NUB1: variants seen among roughly 807,000 people sequenced by gnomAD.
NUB1 encodes negative regulator of ubiquitin like proteins 1, also known as NEDD8 ultimate buster 1.
In NUB1, 41 loss-of-function variants were observed where a neutral mutation model predicts 77.1. The observed-to-expected ratio is 0.53, with a 90% CI of 0.41 to 0.69. NUB1 has a LOEUF of 0.69. Ranked by LOEUF, NUB1 falls within the 30% of genes least tolerant of loss-of-function variation. The pLI is 0.00. For synonymous variants in NUB1, 257 were observed against 281.0 expected (o/e 0.91, Z 0.85); for missense variants, 643 against 743.8 (o/e 0.86, Z 1.58).
chr7:151,376,630 C>G lies in NUB1; in HGVS notation c.1492-4C>G. 6.2e-7 allele frequency: 1 copy of G among 1,607,484 alleles called. No individual in the cohort carries two copies. Among genetic ancestry groups the G allele is most frequent in the African/African-American group, 1.3e-5 (1 of 74,956 alleles). On this transcript the variant is annotated splice_region_variant and splice_polypyrimidine_tract_variant and intron_variant, in intron 13 of 14. Coordinates refer to ENST00000568733, the MANE Select transcript of NUB1 (RefSeq NM_001243351.2). ...GATGCTGTGACCCCTGCGCTCTCCC[C>G]TAGTTGGTGTACATGGGTTTTGATG...
chr7:151,355,360 C>T (rs1467510711), intron 5 of NUB1, among the ~76,000 whole-genome samples: 1 of 152,098 alleles, frequency 6.6e-6, no homozygotes. Flanking sequence ...AATTATGTGG[C>T]GTGATGGTAT....
At position 151,367,042 on chromosome 7, in the gene NUB1, G is replaced by A; in HGVS notation, c.904G>A (p.Asp302Asn). 1 of 1,613,888 alleles carries A rather than the reference G, an allele frequency of 6.2e-7. No individual in the cohort carries two copies. The highest frequency in any genetic ancestry group is 8.5e-7 in the Non-Finnish European group (1 of 1,179,850). The change falls in exon 9 of 15, where the codon GAT becomes AAT. Residue 302 changes from aspartate to asparagine, a missense_variant. Coordinates refer to ENST00000568733, the MANE Select transcript of NUB1 (RefSeq NM_001243351.2). Reference protein sequence around the residue: ...FRLEQLECLDDAEKKLNLAQK... With the variant: ...FRLEQLECLDNAEKKLNLAQK... ...CCTGGAACAGCTGGAATGCCTTGAT[G>A]ATGCAGAAAAAAAATTAAACTTGGC...
At position 151,377,504 on chromosome 7, in the gene NUB1, GGAACAGGGGTCCTGTA is replaced by G. The variant is rs767849806; in HGVS notation, c.*294_*309del. On this transcript the variant is annotated 3_prime_UTR_variant, in exon 15 of 15. Coordinates refer to ENST00000568733, the MANE Select transcript of NUB1 (RefSeq NM_001243351.2). ...TTGGTGTTTTACCCCGAAACAGGAAGGAACAGGGGTCCTGTAGAACAGGGGTCCTGGGGAAGGTGTC... is the reference window on the plus strand; with the variant it reads ...TTGGTGTTTTACCCCGAAACAGGAAGGAACAGGGGTCCTGGGGAAGGTGTC... 7 of 240,824 alleles carry G rather than the reference GGAACAGGGGTCCTGTA, an allele frequency of 2.9e-5. No individual in the cohort carries two copies. Among genetic ancestry groups the G allele is most frequent in the East Asian group, 9.8e-5 (1 of 10,202 alleles). The allele number at this position is 240,824 out of a possible 1,614,324, so 14.9% of individuals were successfully genotyped here.
At chr7:151,352,321 A>C (rs115698276) in intron 4 of NUB1, 53 of 338,938 alleles carry the variant, frequency 1.6e-4, no homozygotes, top group Non-Finnish European at 2.5e-4. Flanking sequence ...CTTGTCTCCT[A>C]CAGTTTCAAA....
chr7:151,348,569 CTTTT>C (rs59781719), intron 2 of NUB1, among the ~76,000 whole-genome samples: 2,645 of 69,816 alleles, frequency 0.038, 12 homozygotes, highest in African/African-American at 0.056. Context: ...TTGCTTTTTG[CTTTT>C]TTTTTTTTTT....
chr7:151,374,685 A>G (rs1798125927), intron 12 of NUB1: 1 of 202,610 alleles, frequency 4.9e-6, no homozygotes, highest in Non-Finnish European at 1.0e-5. Flanking sequence ...CTTTTCAAAG[A>G]ACCCCTCAGG....
At chr7:151,344,100 G>A (rs1796346625) in intron 1 of NUB1, among the ~76,000 whole-genome samples, 1 of 139,876 alleles carries the variant, frequency 7.1e-6, no homozygotes. Flanking sequence ...AGAATGGCGT[G>A]AACCCGGGAG....
At chr7:151,348,569 C>CTTTTTTTTTGTTTTTTTTTTT (rs1796618619) in intron 2 of NUB1, among the ~76,000 whole-genome samples, 1 of 69,924 alleles carries the variant, frequency 1.4e-5, no homozygotes, top group Non-Finnish European at 2.5e-5. Context: ...TTGCTTTTTG[C>CTTTTTTTTTGTTTTTTTTTTT]TTTTTTTTTT....
intron 1 of NUB1, among the ~76,000 whole-genome samples, chr7:151,342,472 A>T: frequency 6.6e-6 from 1 of 152,230 alleles, no homozygotes; most frequent in East Asian, 1.9e-4. Context: ...TTTTTAAAGG[A>T]TCGTTATAAC....
Position 151,377,062 on chromosome 7 carries a change from C to G in NUB1, c.1685C>G (p.Ser562Ter). The G allele has an allele frequency of 6.4e-7, 1 of 1,561,032 alleles. No homozygotes were observed. Among genetic ancestry groups the G allele is most frequent in the East Asian group, 2.3e-5 (1 of 43,236 alleles). The change falls in exon 15 of 15, where the codon TCA becomes TGA. Residue 562 changes from serine (S) to a stop codon, truncating the protein, a stop_gained. Coordinates refer to ENST00000568733, the MANE Select transcript of NUB1 (RefSeq NM_001243351.2). LOFTEE classifies it high-confidence loss of function. Reference sequence around the variant, plus strand: ...TTTATTGTAGGAACCTCTAGTGCCTCAACAGACGAAGACATGGAGACAGAG... The same window carrying G: ...TTTATTGTAGGAACCTCTAGTGCCTGAACAGACGAAGACATGGAGACAGAG... ...PSDSAGTSSA[S>*]TDEDMETEAV...
intron 5 of NUB1, among the ~76,000 whole-genome samples, chr7:151,353,681 G>A (rs1796928449): frequency 6.6e-6 from 1 of 152,182 alleles, no homozygotes; most frequent in African/African-American, 2.4e-5. Context: ...CACGCAGTAG[G>A]GGAATGTATT....
intron 1 of NUB1, among the ~76,000 whole-genome samples, chr7:151,343,225 T>G (rs1031445764): frequency 3.9e-5 from 6 of 152,210 alleles, no homozygotes; most frequent in Non-Finnish European, 5.9e-5. Context: ...TGGAGGATTC[T>G]CCCATGGGCC....
At position 151,377,329 on chromosome 7, in the gene NUB1, C is replaced by A; in HGVS notation, c.*104C>A. The A allele has an allele frequency of 6.6e-6, 5 of 758,378 alleles. No individual in the cohort carries two copies. Among genetic ancestry groups the A allele is most frequent in the Middle Eastern group, 4.0e-4 (1 of 2,502 alleles). 47.0% of individuals were successfully genotyped at this position (758,378 alleles called of 1,614,324 possible). A position where few individuals can be genotyped will look rare whatever the true frequency, so the allele number is the denominator to read the frequency against. On this transcript the variant is annotated 3_prime_UTR_variant, in exon 15 of 15. Coordinates refer to ENST00000568733, the MANE Select transcript of NUB1 (RefSeq NM_001243351.2). ...TTACTTTTTATCTGAATTACAAGTC[C>A]TCTTTGGGTGTAGGAGGGGGTGGGC...
At chr7:151,351,973 C>T (rs892279810) in intron 4 of NUB1, 1 of 394,912 alleles carries the variant, frequency 2.5e-6, no homozygotes, top group African/African-American at 2.1e-5. Flanking sequence ...ACTTTGAGAT[C>T]TGGTGGGTTA....
chr7:151,361,362 C>CT (rs1311839038), intron 8 of NUB1: 1 of 152,166 alleles, frequency 6.6e-6, no homozygotes, highest in African/African-American at 2.4e-5. Flanking sequence ...GTCATGCTGG[C>CT]TGGCAGGCAG....
intron 2 of NUB1, among the ~76,000 whole-genome samples, chr7:151,346,403 T>C (rs1036838303): frequency 1.3e-5 from 2 of 152,224 alleles, no homozygotes; most frequent in Non-Finnish European, 2.9e-5. Context: ...GTAAGCATGA[T>C]AGGAGCAACC....
rs747391038 is a variant in NUB1 at position 151,367,870 on chromosome 7, G to A, written c.997G>A (p.Gly333Arg). The A allele has an allele frequency of 6.3e-7, 1 of 1,579,074 alleles. No individual in the cohort carries two copies. Among genetic ancestry groups the A allele is most frequent in the Non-Finnish European group, 8.6e-7 (1 of 1,162,010 alleles). ...QRLVHIKGNC[G>R]KEKVLFLRLY... Reference sequence around the variant, plus strand: ...TCTTCAATAATTTTAGGGAAATTGTGGGAAAGAGAAGGTACTGTTTCTAAG... The same window carrying A: ...TCTTCAATAATTTTAGGGAAATTGTAGGAAAGAGAAGGTACTGTTTCTAAG... The change falls in exon 10 of 15, where the codon GGG becomes AGG. Residue 333 changes from glycine (G) to arginine (R), a missense_variant. Coordinates refer to ENST00000568733, the MANE Select transcript of NUB1 (RefSeq NM_001243351.2).
At chr7:151,366,345 C>T (rs1382931625) in intron 8 of NUB1, among the ~76,000 whole-genome samples, 2 of 152,120 alleles carry the variant, frequency 1.3e-5, no homozygotes, top group Non-Finnish European at 2.9e-5. Flanking sequence ...TTGTCAGAGC[C>T]GTCATCAGCT....
intron 12 of NUB1, 72 bp downstream of exon 12, chr7:151,374,315 C>T: frequency 6.6e-7 from 1 of 1,505,854 alleles, no homozygotes; most frequent in African/African-American, 1.4e-5. Context: ...CTCCATGGCT[C>T]TCCAGCATCC....
Sources: allele counts gnomAD v4.1 joint callset (sites outside exome capture counted in the v4.1 genomes callset), GRCh38; gene constraint gnomAD v4.1.1; transcripts MANE v1.5; gene names NCBI Gene and HGNC (gene_info 2026-07-23, HGNC 2026-07-21).